LINGO2: variants seen among roughly 807,000 people sequenced by gnomAD.
LINGO2 encodes the protein leucine rich repeat and Ig domain containing 2, also known as leucine-rich repeat and immunoglobulin-like domain-containing nogo receptor-interacting protein 2.
Under a neutral mutation model 30.6 loss-of-function variants are expected in LINGO2, and 14 were observed. The observed-to-expected ratio is 0.46, with a 90% CI of 0.30 to 0.72. The LOEUF (loss-of-function observed/expected upper bound fraction) is 0.72, where lower values mean the gene tolerates loss of function less well. Among genes scored for constraint, LINGO2 ranks in the 30% least tolerant of loss-of-function variants. LINGO2 has a pLI of 0.07. For missense variants in LINGO2, 729 were observed against 751.7 expected, an observed-to-expected ratio of 0.97 and a Z score of 0.35; for synonymous variants, 317 against 288.5, an observed-to-expected ratio of 1.10 and a Z score of -1.00.
At chr9:28,962,910 G>T in the LINGO2 span, among the ~76,000 whole-genome samples, 1,091 of 151,860 alleles carry the variant, frequency 7.2e-3, 22 homozygotes, top group African/African-American at 0.025. Context: ...TTACTCATTT[G>T]AAATATTTTC....
chr9:28,985,519 A>G, the LINGO2 span, among the ~76,000 whole-genome samples: 6 of 152,218 alleles, frequency 3.9e-5, no homozygotes, highest in Non-Finnish European at 7.4e-5. Flanking sequence ...CATTATTCCC[A>G]GCATGTGTTA....
At chr9:29,028,634 G>T in the LINGO2 span, among the ~76,000 whole-genome samples, 10 of 152,216 alleles carry the variant, frequency 6.6e-5, no homozygotes, top group African/African-American at 2.4e-4. Flanking sequence ...ATGATGGTTT[G>T]CCTATTTTGA....
the LINGO2 span, among the ~76,000 whole-genome samples, chr9:29,003,861 G>C: frequency 6.6e-6 from 1 of 151,994 alleles, no homozygotes; most frequent in African/African-American, 2.4e-5. Flanking sequence ...TGTATCACTA[G>C]ATTTTATTTG....
At chr9:28,897,883 GTAGT>G in the LINGO2 span, among the ~76,000 whole-genome samples, 6 of 152,070 alleles carry the variant, frequency 3.9e-5, no homozygotes, top group African/African-American at 4.8e-5. Flanking sequence ...GAAATTTGGG[GTAGT>G]TAGATTTAGG....
At chr9:29,184,352 A>G in the LINGO2 span, among the ~76,000 whole-genome samples, 2 of 152,146 alleles carry the variant, frequency 1.3e-5, no homozygotes, top group African/African-American at 4.8e-5. Context: ...GTGTCACATA[A>G]TATGTTCTCA....
At chr9:28,146,612 G>A (rs566950937) in intron 4 of LINGO2, among the ~76,000 whole-genome samples, 1 of 151,590 alleles carries the variant, frequency 6.6e-6, no homozygotes, top group African/African-American at 2.4e-5. Context: ...AATATAGATG[G>A]TTTCAATTCT....
the LINGO2 span, among the ~76,000 whole-genome samples, chr9:28,893,768 T>C: frequency 6.6e-6 from 1 of 152,028 alleles, no homozygotes; most frequent in South Asian, 2.1e-4. Flanking sequence ...ATTATTATTA[T>C]ACTTTAAGTT....
chr9:28,623,385 G>A (rs1335669863), intron 1 of LINGO2, among the ~76,000 whole-genome samples: 1 of 151,980 alleles, frequency 6.6e-6, no homozygotes, highest in East Asian at 1.9e-4. Context: ...GAGAGATAAG[G>A]TTCTAATTTC....
At chr9:28,408,786 AAC>A (rs797004136) in intron 2 of LINGO2, among the ~76,000 whole-genome samples, 9 of 46,004 alleles carry the variant, frequency 2.0e-4, no homozygotes, top group East Asian at 7.1e-4. Context: ...AAAAAAAAAA[AAC>A]AAAAAAAAAC....
intron 4 of LINGO2, among the ~76,000 whole-genome samples, chr9:28,277,401 C>T (rs1229874814): frequency 6.6e-6 from 1 of 152,160 alleles, no homozygotes; most frequent in Non-Finnish European, 1.5e-5. Flanking sequence ...TAGGGCCTCC[C>T]TATTCCCTGA....
chr9:28,615,354 T>C (rs968954302), intron 1 of LINGO2, among the ~76,000 whole-genome samples: 4 of 152,088 alleles, frequency 2.6e-5, no homozygotes, highest in African/African-American at 9.7e-5. Flanking sequence ...GCAAGTCCAA[T>C]AAACAGATCT....
At chr9:28,877,100 GT>G in the LINGO2 span, among the ~76,000 whole-genome samples, 16,861 of 141,768 alleles carry the variant, frequency 0.12, 1,646 homozygotes, top group African/African-American at 0.27. Context: ...ATGGGGTTGT[GT>G]TTTTTTTTTT....
the LINGO2 span, among the ~76,000 whole-genome samples, chr9:28,827,653 C>T: frequency 0.043 from 6,558 of 151,930 alleles, 220 homozygotes; most frequent in Admixed American, 0.084. Context: ...AGTGATAATA[C>T]GTTGGGAAGC....
chr9:28,308,782 G>A (rs1190566592), intron 3 of LINGO2, among the ~76,000 whole-genome samples: 1 of 152,012 alleles, frequency 6.6e-6, no homozygotes, highest in Admixed American at 6.6e-5. Flanking sequence ...GACATGAACA[G>A]ACTCTTCTCA....
At chr9:28,349,313 T>G (rs1316503332) in intron 3 of LINGO2, among the ~76,000 whole-genome samples, 1 of 145,814 alleles carries the variant, frequency 6.9e-6, no homozygotes, top group Non-Finnish European at 1.5e-5. Flanking sequence ...AAGGAGCTGA[T>G]GGAGCTGAAA....
chr9:28,858,391 C>T, the LINGO2 span, among the ~76,000 whole-genome samples: 1 of 151,954 alleles, frequency 6.6e-6, no homozygotes, highest in South Asian at 2.1e-4. Flanking sequence ...CTCCTGACCC[C>T]AATGTAGAAC....
the LINGO2 span, among the ~76,000 whole-genome samples, chr9:28,780,829 A>T: frequency 0.01 from 1,031 of 99,380 alleles, 8 homozygotes; most frequent in East Asian, 0.065. Flanking sequence ...TCTTGGTAGT[A>T]ATGTGTGTGT....
chr9:28,826,610 T>C, the LINGO2 span, among the ~76,000 whole-genome samples: 1 of 152,170 alleles, frequency 6.6e-6, no homozygotes, highest in African/African-American at 2.4e-5. Context: ...ATTGGCTAGA[T>C]GACCAATTTA....
At chr9:28,923,106 C>T in the LINGO2 span, among the ~76,000 whole-genome samples, 1 of 152,114 alleles carries the variant, frequency 6.6e-6, no homozygotes, top group Non-Finnish European at 1.5e-5. Flanking sequence ...GGATTTTCTC[C>T]CAAAGTATTT....
Sources: allele counts gnomAD v4.1 joint callset (sites outside exome capture counted in the v4.1 genomes callset), GRCh38; gene constraint gnomAD v4.1.1; transcripts MANE v1.5; gene names NCBI Gene and HGNC (gene_info 2026-07-23, HGNC 2026-07-21).